TRIM48: variants seen among roughly 807,000 people sequenced by gnomAD.
TRIM48 encodes the protein E3 ubiquitin-protein ligase TRIM48.
TRIM48 carries 31 observed loss-of-function variants against 29.5 expected under a neutral mutation model. The observed-to-expected ratio is 1.05, with a 90% CI of 0.79 to 1.42. TRIM48 has a LOEUF of 1.42. Ranked by LOEUF, TRIM48 falls within the 40% of genes most tolerant of loss-of-function variation. The probability of loss-of-function intolerance (pLI) is 0.00; values close to 1 mark genes in which losing one functional copy is unlikely to be tolerated. For synonymous variants in TRIM48, 128 were observed against 90.6 expected (o/e 1.41, Z -2.34); for missense variants, 344 against 265.0 (o/e 1.30, Z -2.07).
intron 4 of TRIM48, among the ~76,000 whole-genome samples, chr11:55,268,779 A>T (rs1185378635): frequency 6.8e-6 from 1 of 147,788 alleles, no homozygotes; most frequent in Non-Finnish European, 1.5e-5. Flanking sequence ...TGAAAAAACT[A>T]TGGAGTGTTA....
At chr11:55,267,630 C>G in intron 3 of TRIM48, 1 of 1,561,730 alleles carries the variant, frequency 6.4e-7, no homozygotes, top group Non-Finnish European at 8.7e-7. Flanking sequence ...ACATGTGGAG[C>G]TACTTCAGGT....
intron 5 of TRIM48, 49 bp from the exon 6 acceptor site, chr11:55,270,388 T>C: frequency 1.5e-6 from 2 of 1,363,784 alleles, no homozygotes; most frequent in Admixed American, 2.3e-5. Context: ...TGCCTATGCA[T>C]GTTTTCTTTC....
In TRIM48 at chr11:55,265,109, G is replaced by A. The variant is rs199871070; in HGVS notation, c.254G>A (p.Arg85Gln). 5.1e-6 allele frequency: 8 copies of A among 1,582,562 alleles called. No homozygotes were observed. Among genetic ancestry groups the A allele is most frequent in the Admixed American group, 1.7e-5 (1 of 58,516 alleles). The change falls in exon 2 of 6, where the codon CGA becomes CAA. Residue 85 changes from arginine (R) to glutamine (Q), a missense_variant. Coordinates refer to ENST00000417545, the MANE Select transcript of TRIM48 (RefSeq NM_024114.5). ...CAGAGAAACCTCAAAACTAACATTCGATTGAAGAAGATGGCTTCCCTTGCC... is the reference window on the plus strand; with the variant it reads ...CAGAGAAACCTCAAAACTAACATTCAATTGAAGAAGATGGCTTCCCTTGCC... ...IQQRNLKTNIRLKKMASLARK... is the reference protein window; with the variant it reads ...IQQRNLKTNIQLKKMASLARK...
Position 55,267,306 on chromosome 11 carries a change from G to T in TRIM48, c.556-1044G>T, listed in dbSNP as rs771627127. 3.7e-4 allele frequency: 487 copies of T among 1,318,966 alleles called. 31 individuals are homozygous for T. Among genetic ancestry groups the T allele is most frequent in the Non-Finnish European group, 4.6e-4 (444 of 963,020 alleles). The allele number at this position is 1,318,966 out of a possible 1,614,324, so 81.7% of individuals were successfully genotyped here. On this transcript the variant is annotated intron_variant, in intron 3 of 5. Coordinates refer to ENST00000417545, the MANE Select transcript of TRIM48 (RefSeq NM_024114.5). ...GGATTCTAAGAACTGGCAAGACTGAGGTTTAAACTATTGGATGTTCGAGAG... is the reference window on the plus strand; with the variant it reads ...GGATTCTAAGAACTGGCAAGACTGATGTTTAAACTATTGGATGTTCGAGAG...
Position 55,264,954 on chromosome 11 carries a change from C to A in TRIM48, c.99C>A (p.Ile33=). 2 of 1,584,312 alleles carry A rather than the reference C, an allele frequency of 1.3e-6. No individual in the cohort carries two copies. Among genetic ancestry groups the A allele is most frequent in the Non-Finnish European group, 1.7e-6 (2 of 1,166,270 alleles). Reference sequence around the variant, plus strand: ...TCCAGAGGGAACTCACCTGCCCCATCTGCATGAACTACTTCATAGACCCGG... The same window carrying A: ...TCCAGAGGGAACTCACCTGCCCCATATGCATGAACTACTTCATAGACCCGG... The part of the protein sequence containing the change: ...QVFQRELTCP[I]CMNYFIDPVT... Residue 33 remains isoleucine, a synonymous_variant, in exon 2 of 6, where the codon ATC becomes ATA. Transcript: ENST00000417545.
At chr11:55,262,949 G>T (rs1857326433) in intron 1 of TRIM48, among the ~76,000 whole-genome samples, 1 of 152,024 alleles carries the variant, frequency 6.6e-6, no homozygotes, top group South Asian at 2.1e-4. Context: ...ATTTTTCATT[G>T]CTTTCACTAA....
In TRIM48 at chr11:55,264,712, G is replaced by C. The variant is rs1857359307; in HGVS notation, c.45-188G>C. 1.4e-5 allele frequency among the ~76,000 whole-genome samples: 2 copies of C among 148,028 alleles called. 1 individual carries two copies. Among genetic ancestry groups the C allele is most frequent in the Non-Finnish European group, 3.0e-5 (2 of 66,950 alleles). On this transcript the variant is annotated intron_variant, in intron 1 of 5. Coordinates refer to ENST00000417545, the MANE Select transcript of TRIM48 (RefSeq NM_024114.5). ...GAAGGGGTTGTGAGGCATCTAGTCA[G>C]TAATATCTATTATAAAGCCGGGAGA...
At position 55,270,615 on chromosome 11, in the gene TRIM48, T is replaced by C. The variant is rs759981589; in HGVS notation, c.*180T>C. The C allele has an allele frequency of 3.4e-5, 54 of 1,582,706 alleles. 3 individuals are homozygous for C. In the Admixed American group the frequency reaches 4.5e-4, roughly 13 times the overall value. The stretch of plus-strand genomic sequence containing the variant: ...CTGGCAAATATTACTGGGAGGTCCA[T>C]GTGGGGGACTCTTGGAATTGGGCTT... On this transcript the variant is annotated 3_prime_UTR_variant, in exon 6 of 6. Coordinates refer to ENST00000417545, the MANE Select transcript of TRIM48 (RefSeq NM_024114.5).
At chr11:55,263,516 G>T (rs929073322) in intron 1 of TRIM48, among the ~76,000 whole-genome samples, 2 of 151,700 alleles carry the variant, frequency 1.3e-5, no homozygotes, top group Admixed American at 6.6e-5. Context: ...GAAAAAATTT[G>T]CCGGGTGTAG....
rs1465194405 is a variant in TRIM48, at chr11:55,269,256, T to C, written c.593T>C (p.Leu198Pro). The C allele has an allele frequency of 6.3e-7, 1 of 1,575,590 alleles. No homozygotes were observed. The highest frequency in any genetic ancestry group is 1.7e-5 in the Admixed American group (1 of 58,504). The stretch of plus-strand genomic sequence containing the variant: ...TTTCCTTGCAGGAGTGAGTCCGTGC[T>C]GCTGCACATGCCCCAGCCTCTGAAT... ...GDILYRSESVLLHMPQPLNLA... is the reference protein window; with the variant it reads ...GDILYRSESVPLHMPQPLNLA... Residue 198 changes from leucine to proline, a missense_variant, in exon 5 of 6, where the codon CTG becomes CCG. Transcript: ENST00000417545.
chr11:55,264,884 G>A lies in TRIM48; in HGVS notation c.45-16G>A. ...AACCCAGACCCCAAAATGACATGCTGCTCTTTCTTCCTCAGAAACATGAAT... is the reference window on the plus strand; with the variant it reads ...AACCCAGACCCCAAAATGACATGCTACTCTTTCTTCCTCAGAAACATGAAT... On this transcript the variant is annotated splice_polypyrimidine_tract_variant and intron_variant, in intron 1 of 5. Transcript: ENST00000417545. 4.4e-6 allele frequency: 7 copies of A among 1,582,766 alleles called. 2 individuals are homozygous for A. Among genetic ancestry groups the A allele is most frequent in the Non-Finnish European group, 6.0e-6 (7 of 1,166,072 alleles).
chr11:55,270,519 C>A lies in TRIM48; in HGVS notation c.*84C>A. On this transcript the variant is annotated 3_prime_UTR_variant, in exon 6 of 6. Transcript: ENST00000417545. ...TGAGAAGCATTTGTATTGGATGTGA[C>A]CGTCAAAATCCGCCCCATATCACTG... 1 of 1,579,934 alleles carries A rather than the reference C, an allele frequency of 6.3e-7. No individual in the cohort carries two copies. Among genetic ancestry groups the A allele is most frequent in the Non-Finnish European group, 8.6e-7 (1 of 1,163,992 alleles).
chr11:55,269,652 G>A (rs1857449890), intron 5 of TRIM48, among the ~76,000 whole-genome samples: 1 of 147,394 alleles, frequency 6.8e-6, no homozygotes. Context: ...GTTATTTAAT[G>A]TTAAATACAA....
chr11:55,269,934 G>T (rs964049618), intron 5 of TRIM48, among the ~76,000 whole-genome samples: 1 of 147,718 alleles, frequency 6.8e-6, no homozygotes, highest in South Asian at 2.4e-4. Context: ...AACATGGAGG[G>T]CCACAGAGAG....
At chr11:55,262,656 A>G (rs1235676272) in intron 1 of TRIM48, among the ~76,000 whole-genome samples, 3 of 152,164 alleles carry the variant, frequency 2.0e-5, no homozygotes, top group African/African-American at 4.8e-5. Context: ...TGAATTGAGA[A>G]GACATTAATG....
rs1396672296 is a variant in TRIM48 at position 55,269,972 on chromosome 11, C to T, written c.*2-465C>T. Among the ~76,000 whole-genome samples the T allele has an allele frequency of 2.0e-5, 3 of 147,950 alleles. 1 individual carries two copies. The highest frequency in any genetic ancestry group is 2.1e-4 in the East Asian group (1 of 4,674). ...TGGTAAAAGATTTTGCAGAAATCTG[C>T]TTCAAATGATCACTTATGACATGTA... On this transcript the variant is annotated intron_variant, in intron 5 of 5. Transcript: ENST00000417545.
intron 3 of TRIM48, among the ~76,000 whole-genome samples, chr11:55,267,063 A>G (rs1202802911): frequency 6.8e-6 from 1 of 148,010 alleles, no homozygotes; most frequent in East Asian, 2.1e-4. Flanking sequence ...AGAAATAATT[A>G]TTTCCTTTCT....
At chr11:55,264,572 C>G (rs1403628842) in intron 1 of TRIM48, among the ~76,000 whole-genome samples, 2 of 147,640 alleles carry the variant, frequency 1.4e-5, no homozygotes, top group African/African-American at 5.0e-5. Context: ...AGAATAGGAA[C>G]AACTACAATT....
chr11:55,264,371 A>T lies in TRIM48; in HGVS notation c.45-529A>T, dbSNP rs1202191862. Among the ~76,000 whole-genome samples, 3 of 147,752 alleles carry T rather than the reference A, an allele frequency of 2.0e-5. 1 individual carries two copies. In the East Asian group the frequency reaches 6.5e-4, roughly 32 times the overall value. On this transcript the variant is annotated intron_variant, in intron 1 of 5. Transcript: ENST00000417545. ...TTTACTTTAATTTTATATTATTTTC[A>T]GTCCTGAGATAAACGTGCAGGACAT...
Sources: gnomAD v4.1 joint callset for allele counts (sites outside exome capture counted in the v4.1 genomes callset) on GRCh38, gnomAD v4.1.1 for gene constraint, MANE v1.5 for transcripts, NCBI Gene and HGNC (gene_info 2026-07-23, HGNC 2026-07-21) for gene names.